Variants in DNAJA1 observed in about 807,000 individuals in gnomAD.
DNAJA1 encodes dnaJ homolog subfamily A member 1.
DNAJA1 carries 26 observed loss-of-function variants against 47.6 expected under a neutral mutation model. The observed-to-expected ratio is 0.55, with a 90% CI of 0.40 to 0.76. DNAJA1 has a LOEUF of 0.76. Among genes scored for constraint, DNAJA1 ranks in the 30% least tolerant of loss-of-function variants. DNAJA1 has a pLI of 0.00. For synonymous variants in DNAJA1, 165 were observed against 158.4 expected (o/e 1.04, Z -0.31); for missense variants, 315 against 485.0 (o/e 0.65, Z 3.29).
At chr9:33,031,017 A>G (rs1310344171) in intron 5 of DNAJA1, among the ~76,000 whole-genome samples, 2 of 152,248 alleles carry the variant, frequency 1.3e-5, no homozygotes, top group African/African-American at 4.8e-5. Context: ...ATTCTTAATT[A>G]GGAGTTACTA....
chr9:33,028,671 C>A (rs965144153), intron 3 of DNAJA1, among the ~76,000 whole-genome samples: 1 of 152,158 alleles, frequency 6.6e-6, no homozygotes, highest in Non-Finnish European at 1.5e-5. Flanking sequence ...AAAGAACCTG[C>A]AGGTTAACAT....
In DNAJA1 at chr9:33,039,561, A is replaced by ATATATATATATATATATAT. The variant is rs74178844; in HGVS notation, c.*658_*659insTATATATATATATATATAT. On this transcript the variant is annotated 3_prime_UTR_variant, in exon 9 of 9. Transcript: ENST00000330899. ...CATATATATATACATATATATATAT[A>ATATATATATATATATATAT]ATCTTGACCAGTCCTGGTCATTTGC... 85 of 141,892 alleles carry ATATATATATATATATATAT rather than the reference A, an allele frequency of 6.0e-4. No individual in the cohort carries two copies. The highest frequency in any genetic ancestry group is 7.8e-4 in the Non-Finnish European group (49 of 62,762). The allele number at this position is 141,892 out of a possible 1,614,324, so 8.8% of individuals were successfully genotyped here.
At chr9:33,038,043 C>T (rs987247533) in intron 8 of DNAJA1, among the ~76,000 whole-genome samples, 2 of 149,618 alleles carry the variant, frequency 1.3e-5, no homozygotes, top group African/African-American at 4.9e-5. Flanking sequence ...CTTGTTCTGT[C>T]ACCCAAGGTG....
chr9:33,027,380 G>A (rs913360162), intron 3 of DNAJA1, among the ~76,000 whole-genome samples: 3 of 151,836 alleles, frequency 2.0e-5, no homozygotes, highest in Non-Finnish European at 4.4e-5. Context: ...GTCTTGAACT[G>A]CAAACCTCAG....
At position 33,037,055 on chromosome 9, in the gene DNAJA1, T is replaced by A. The variant is rs1380065041; in HGVS notation, c.915T>A (p.Asn305Lys). Residue 305 changes from asparagine to lysine, a missense_variant, in exon 8 of 9, where the codon AAT becomes AAA. Physicochemically the swap from Asn to Lys is moderately conservative, Grantham distance 94. This residue lies in a region of DNAJA1 where 162 missense variants were observed against 185.4 expected (regional missense o/e 0.87). Coordinates refer to ENST00000330899, the MANE Select transcript of DNAJA1 (RefSeq NM_001539.4). ...VKHGDIKCVL[N>K]EGMPIYRRPY... Reference sequence around the variant, plus strand: ...ATGGAGATATCAAGTGTGTACTAAATGAAGGCATGCCAATTTATCGTAGAC... The same window carrying A: ...ATGGAGATATCAAGTGTGTACTAAAAGAAGGCATGCCAATTTATCGTAGAC... 1 of 1,614,012 alleles carries A rather than the reference T, an allele frequency of 6.2e-7. No homozygotes were observed. Among genetic ancestry groups the A allele is most frequent in the South Asian group, 1.1e-5 (1 of 91,038 alleles).
In DNAJA1 at chr9:33,038,745, C is replaced by T; in HGVS notation, c.1036C>T (p.Leu346=). ...PDKLSLLEKL[L]PERKEVEETD... ...TAAACTGTCTTTGCTGGAAAAACTC[C>T]TACCCGAGAGGAAGGAAGTGGAAGA... Residue 346 remains leucine, a synonymous_variant, in exon 9 of 9, where the codon CTA becomes TTA. Coordinates refer to ENST00000330899, the MANE Select transcript of DNAJA1 (RefSeq NM_001539.4). The T allele has an allele frequency of 6.2e-7, 1 of 1,614,112 alleles. No homozygotes were observed. The highest frequency in any genetic ancestry group is 1.7e-5 in the Admixed American group (1 of 60,024).
At position 33,039,219 on chromosome 9, in the gene DNAJA1, A is replaced by C. The variant is rs1183751617; in HGVS notation, c.*316A>C. ...ACAAGCTTAGACTGAAATGCTAGGTATATGTATTGGCTTCAGTGTATGACC... is the reference window on the plus strand; with the variant it reads ...ACAAGCTTAGACTGAAATGCTAGGTCTATGTATTGGCTTCAGTGTATGACC... On this transcript the variant is annotated 3_prime_UTR_variant, in exon 9 of 9. Transcript: ENST00000330899. 1 of 329,260 alleles carries C rather than the reference A, an allele frequency of 3.0e-6. No individual in the cohort carries two copies. The highest frequency in any genetic ancestry group is 5.8e-6 in the Non-Finnish European group (1 of 173,030). The allele number at this position is 329,260 out of a possible 1,614,324, so 20.4% of individuals were successfully genotyped here. A position where few individuals can be genotyped will look rare whatever the true frequency, so the allele number is the denominator to read the frequency against.
chr9:33,031,252 A>G (rs901633426), intron 5 of DNAJA1, among the ~76,000 whole-genome samples: 5 of 152,058 alleles, frequency 3.3e-5, no homozygotes, highest in African/African-American at 9.7e-5. Flanking sequence ...ACCCAGCACC[A>G]TGCCCGGCTA....
At chr9:33,033,385 G>T (rs1041793089) in intron 5 of DNAJA1, among the ~76,000 whole-genome samples, 1 of 151,832 alleles carries the variant, frequency 6.6e-6, no homozygotes. Context: ...TTTTTTTAAG[G>T]GGACTATACT....
chr9:33,031,773 A>G (rs901790022), intron 5 of DNAJA1, among the ~76,000 whole-genome samples: 1 of 152,174 alleles, frequency 6.6e-6, no homozygotes, highest in Non-Finnish European at 1.5e-5. Context: ...TAATTGGCTT[A>G]CTTGCCCATC....
rs369878353 is a variant in DNAJA1 at position 33,037,022 on chromosome 9, T to C, written c.882T>C (p.Ile294=). 3.1e-6 allele frequency: 5 copies of C among 1,604,360 alleles called. No homozygotes were observed. In the African/African-American group the frequency reaches 4.0e-5, roughly 13 times the overall value. ...TGGCTTCAATGTTTTTAGGTCAGATTGTCAAGCATGGAGATATCAAGTGTG... is the reference window on the plus strand; with the variant it reads ...TGGCTTCAATGTTTTTAGGTCAGATCGTCAAGCATGGAGATATCAAGTGTG... ...TIVITSHPGQ[I]VKHGDIKCVL... Residue 294 remains isoleucine, a synonymous_variant, in exon 8 of 9, where the codon ATT becomes ATC. Transcript: ENST00000330899.
chr9:33,032,597 A>C (rs1475735352), intron 5 of DNAJA1, among the ~76,000 whole-genome samples: 1 of 152,232 alleles, frequency 6.6e-6, no homozygotes, highest in Non-Finnish European at 1.5e-5. Context: ...TAATGCCCTA[A>C]CTATATAGCA....
At position 33,039,167 on chromosome 9, in the gene DNAJA1, T is replaced by C. The variant is rs539421217; in HGVS notation, c.*264T>C. 132 of 440,968 alleles carry C rather than the reference T, an allele frequency of 3.0e-4. No individual in the cohort carries two copies. The highest frequency in any genetic ancestry group is 6.5e-4 in the Middle Eastern group (1 of 1,546). The allele number at this position is 440,968 out of a possible 1,614,324, so 27.3% of individuals were successfully genotyped here. Reference sequence around the variant, plus strand: ...CCCCTAGCATTTCTAGGCCAAACCTTGTAATTGACTTCAGCTATGTACGTG... The same window carrying C: ...CCCCTAGCATTTCTAGGCCAAACCTCGTAATTGACTTCAGCTATGTACGTG... On this transcript the variant is annotated 3_prime_UTR_variant, in exon 9 of 9. Transcript: ENST00000330899.
In DNAJA1 at chr9:33,036,602, G is replaced by T. The variant is rs780408487; in HGVS notation, c.787G>T (p.Asp263Tyr). 11 of 1,613,152 alleles carry T rather than the reference G, an allele frequency of 6.8e-6. No individual in the cohort carries two copies. Among genetic ancestry groups the T allele is most frequent in the East Asian group, 2.2e-5 (1 of 44,870 alleles). ...AGGAGAAGACCTTTTCATGTGTATG[G>T]ACATACAGCTCGTTGAAGCACTGTG... is the stretch of plus-strand genomic sequence containing the variant. Reference protein sequence around the residue: ...RRGEDLFMCMDIQLVEALCGF... With the variant: ...RRGEDLFMCMYIQLVEALCGF... Residue 263 changes from aspartate to tyrosine, a missense_variant, in exon 7 of 9, where the codon GAC (aspartate) becomes TAC (tyrosine). By Grantham distance (160) the Asp-to-Tyr change is radical. Around this residue, in one of 4 missense-constraint regions of DNAJA1, gnomAD observed 162 missense variants for 185.4 expected, o/e 0.87. Transcript: ENST00000330899.
In DNAJA1 at chr9:33,030,326, C is replaced by G. The variant is rs551231632; in HGVS notation, c.416-114C>G. 28 of 967,986 alleles carry G rather than the reference C, an allele frequency of 2.9e-5. No individual in the cohort carries two copies. In the South Asian group the frequency reaches 3.2e-4, roughly 11 times the overall value. The allele number at this position is 967,986 out of a possible 1,614,324, so 60.0% of individuals were successfully genotyped here. A position where few individuals can be genotyped will look rare whatever the true frequency, so the allele number is the denominator to read the frequency against. ...AGTTGTACATTCAGAGGGTAGCATT[C>G]CATCAGGCTTCGAAAATATTAAAAG... On this transcript the variant is annotated intron_variant, in intron 4 of 8. Transcript: ENST00000330899.
At chr9:33,028,025 CAAAAAA>C (rs144327341) in intron 3 of DNAJA1, among the ~76,000 whole-genome samples, 3,293 of 77,878 alleles carry the variant, frequency 0.042, 96 homozygotes, top group African/African-American at 0.14. Context: ...ACTCTTGTCT[CAAAAAA>C]AAAAAAAAAA....
intron 1 of DNAJA1, among the ~76,000 whole-genome samples, chr9:33,026,184 G>A (rs1189696398): frequency 6.6e-6 from 1 of 152,238 alleles, no homozygotes; most frequent in African/African-American, 2.4e-5. Flanking sequence ...AGGGCAAACG[G>A]GAAGAATCCA....
At position 33,034,079 on chromosome 9, in the gene DNAJA1, G is replaced by A. The variant is rs1221566999; in HGVS notation, c.644-137G>A. 8.9e-6 allele frequency: 5 copies of A among 558,666 alleles called. No individual in the cohort carries two copies. In the African/African-American group the frequency reaches 9.8e-5, roughly 11 times the overall value. 34.6% of individuals were successfully genotyped at this position (558,666 alleles called of 1,614,324 possible). ...TGATACCTTTCTTCAGGAGCAAATT[G>A]GACTGAACTACTTAAGTGGGCTTTC... On this transcript the variant is annotated intron_variant, in intron 5 of 8. Transcript: ENST00000330899.
At chr9:33,030,020 G>A (rs778896041) in intron 4 of DNAJA1, 31 bp downstream of exon 4, 2 of 1,584,898 alleles carry the variant, frequency 1.3e-6, no homozygotes, top group Admixed American at 1.7e-5. Context: ...GTTTTGTTTT[G>A]TTTTTAAGCA....
Sources: gnomAD v4.1 joint callset for allele counts (sites outside exome capture counted in the v4.1 genomes callset) on GRCh38, gnomAD v4.1.1 for gene constraint, gnomAD v4.1.1 regional missense constraint, MANE v1.5 for transcripts, NCBI Gene and HGNC (gene_info 2026-07-23, HGNC 2026-07-21) for gene names.